The following SPG7 variants were observed in gnomAD, a reference collection of about 807,000 sequenced individuals.
SPG7 encodes SPG7 matrix AAA peptidase subunit, paraplegin, also known as mitochondrial inner membrane m-AAA protease component paraplegin.
A neutral mutation model predicts 81.9 loss-of-function variants in SPG7; 103 were observed. The ratio of observed to expected loss-of-function variants is 1.26; its 90% CI spans 1.07 to 1.48. SPG7 has a LOEUF of 1.48. Among genes scored for constraint, SPG7 ranks in the 40% most tolerant of loss-of-function variants. SPG7 has a pLI of 0.00. For synonymous variants in SPG7, 534 were observed against 444.2 expected (o/e 1.20, Z -2.54); for missense variants, 1,241 against 1,087.3 (o/e 1.14, Z -1.99).
chr16:89,543,973 T>C (rs1207975822), intron 9 of SPG7: 1 of 155,494 alleles, frequency 6.4e-6, no homozygotes, highest in East Asian at 1.9e-4. Flanking sequence ...AGCAAACCCA[T>C]AGTTTTGAAT....
Position 89,541,295 on chromosome 16 carries a change from T to C in SPG7, c.1325-3353T>C, listed in dbSNP as rs60765821. The C allele has an allele frequency of 3.2e-3, 3,112 of 984,518 alleles. 105 individuals are homozygous for C. The African/African-American group carries it at 0.052, about 16-fold the overall frequency. The allele number at this position is 984,518 out of a possible 1,614,324, so 61.0% of individuals were successfully genotyped here. A position where few individuals can be genotyped will look rare whatever the true frequency, so the allele number is the denominator to read the frequency against. The stretch of plus-strand genomic sequence containing the variant: ...GGTGTATCCTTATCATGGTGTTCTA[T>C]GCAGCAGTAGAAGGAAACTTTCTTC... On this transcript the variant is annotated intron_variant, in intron 9 of 16. Coordinates refer to ENST00000645818, the MANE Select transcript of SPG7 (RefSeq NM_003119.4).
At chr16:89,550,934 T>C (rs74500393) in intron 13 of SPG7, among the ~76,000 whole-genome samples, 239 of 152,332 alleles carry the variant, frequency 1.6e-3, no homozygotes, top group Middle Eastern at 3.4e-3. Flanking sequence ...CCACCCCAAA[T>C]GACTCCTAAC....
At chr16:89,532,662 C>A in intron 9 of SPG7, 26 bp downstream of exon 9, 1 of 1,612,308 alleles carries the variant, frequency 6.2e-7, no homozygotes, top group Admixed American at 1.7e-5. Flanking sequence ...CCCCGCACCC[C>A]CATTGCACCA....
intron 13 of SPG7, among the ~76,000 whole-genome samples, chr16:89,550,830 G>A (rs1477395030): frequency 6.6e-6 from 1 of 152,228 alleles, no homozygotes; most frequent in Non-Finnish European, 1.5e-5. Flanking sequence ...GTGGGAGGCA[G>A]GAGTGGGCTG....
intron 9 of SPG7, 97 bp from the exon 10 acceptor site, chr16:89,544,551 T>A: frequency 7.0e-7 from 1 of 1,419,358 alleles, no homozygotes. Flanking sequence ...CTTAGGGGGG[T>A]CTCTCTCCCT....
chr16:89,556,071 G>C (rs550838140), intron 16 of SPG7: 239 of 398,808 alleles, frequency 6.0e-4, no homozygotes, highest in Non-Finnish European at 8.9e-4. Context: ...AGCCACAACG[G>C]GAGCAAAGCT....
At chr16:89,540,696 A>C (rs912766807) in intron 9 of SPG7, 1 of 170,636 alleles carries the variant, frequency 5.9e-6, no homozygotes, top group African/African-American at 2.4e-5. Flanking sequence ...GTGCAGCCTC[A>C]CTGGGAAACA....
chr16:89,550,746 T>C (rs1421175603), intron 13 of SPG7, 137 bp downstream of exon 13: 1 of 695,438 alleles, frequency 1.4e-6, no homozygotes, highest in Admixed American at 2.0e-5. Flanking sequence ...CTGTAGGTCA[T>C]GTGAGAGGAA....
At chr16:89,549,373 T>C (rs2058606648) in intron 12 of SPG7, 2 of 381,234 alleles carry the variant, frequency 5.2e-6, no homozygotes, top group Admixed American at 3.1e-5. Flanking sequence ...CAAACATTTG[T>C]CCCTGGCTGG....
chr16:89,522,477 ACGT>A (rs2058201013), intron 3 of SPG7: 1 of 151,564 alleles, frequency 6.6e-6, no homozygotes, highest in Non-Finnish European at 1.5e-5. Flanking sequence ...TCTGGAAATG[ACGT>A]CGTTACCACC....
At chr16:89,552,058 G>A (rs1163297542) in intron 13 of SPG7, 2 of 152,010 alleles carry the variant, frequency 1.3e-5, no homozygotes, top group African/African-American at 4.8e-5. Context: ...CCGTTATTTA[G>A]AGCTTCTTTT....
At chr16:89,532,117 C>T (rs1597634260) in intron 8 of SPG7, 51 bp downstream of exon 8, 6 of 1,576,796 alleles carry the variant, frequency 3.8e-6, no homozygotes, top group Non-Finnish European at 3.5e-6. Context: ...CTACCTGGCT[C>T]CTTTCACACA....
At chr16:89,554,041 A>T in intron 15 of SPG7, 81 bp downstream of exon 15, 1 of 1,509,740 alleles carries the variant, frequency 6.6e-7, no homozygotes, top group South Asian at 1.1e-5. Context: ...AGGGTCGCCC[A>T]CGGCCGCCCC....
In SPG7 at chr16:89,552,960, C is replaced by T; in HGVS notation, c.1780-19C>T. ...ACGCATCCTGCCTACTGACCTGGGT[C>T]ATCTTGACCTTGTGCCAGGTCTCCA... On this transcript the variant is annotated intron_variant, in intron 13 of 16. Transcript: ENST00000645818. 4 of 1,613,130 alleles carry T rather than the reference C, an allele frequency of 2.5e-6. No individual in the cohort carries two copies. In the South Asian group the frequency reaches 4.4e-5, roughly 18 times the overall value.
rs1420552317 is a variant in SPG7, at chr16:89,554,508, A to C, written c.2126A>C (p.Lys709Thr). Residue 709 changes from lysine (K) to threonine (T), a missense_variant, in exon 16 of 17, where the codon AAG (lysine) becomes ACG (threonine). Lys to Thr is a moderately conservative substitution (Grantham distance 78). Coordinates refer to ENST00000645818, the MANE Select transcript of SPG7 (RefSeq NM_003119.4). The stretch of plus-strand genomic sequence containing the variant: ...CAGGAAGCAAGACTGCTGGTGGCCA[A>C]GGCCTACAGACACACCGAGAAGGTG... ...MDHEARLLVA[K>T]AYRHTEKVLQ... is the part of the protein sequence containing the mutation. The C allele has an allele frequency of 6.2e-7, 1 of 1,609,476 alleles. No homozygotes were observed.
rs2152392962 is a variant in SPG7, at chr16:89,508,615, A to C, written c.183+15A>C. 6.9e-7 allele frequency: 1 copy of C among 1,442,476 alleles called. No individual in the cohort carries two copies. Among genetic ancestry groups the C allele is most frequent in the Non-Finnish European group, 9.1e-7 (1 of 1,103,258 alleles). The allele number at this position is 1,442,476 out of a possible 1,614,324, so 89.4% of individuals were successfully genotyped here. On this transcript the variant is annotated intron_variant, in intron 1 of 16. Transcript: ENST00000645818. ...GAGCTCTGCAGGTAAATCCCCGCGG[A>C]GTCCGGGCCCCACCTCCCGCCCGGC...
At chr16:89,553,654 T>G in intron 14 of SPG7, 140 bp from the exon 15 acceptor site, 1 of 763,682 alleles carries the variant, frequency 1.3e-6, no homozygotes, top group Non-Finnish European at 2.2e-6. Context: ...ACGTCCTCAC[T>G]GTCCAGCTTC....
In SPG7 at chr16:89,513,050, G is replaced by A. The variant is rs374394983; in HGVS notation, c.376+13G>A. The A allele has an allele frequency of 1.9e-6, 3 of 1,595,740 alleles. No homozygotes were observed. The highest frequency in any genetic ancestry group is 1.1e-5 in the South Asian group (1 of 89,676). Reference sequence around the variant, plus strand: ...GAAGAGGACGAAGGTATATTCATCTGATGTTCTTCAGTCAGTAGCTGCCTC... The same window carrying A: ...GAAGAGGACGAAGGTATATTCATCTAATGTTCTTCAGTCAGTAGCTGCCTC... On this transcript the variant is annotated intron_variant, in intron 3 of 16. Coordinates refer to ENST00000645818, the MANE Select transcript of SPG7 (RefSeq NM_003119.4).
intron 10 of SPG7, 114 bp from the exon 11 acceptor site, chr16:89,546,544 C>T: frequency 2.5e-6 from 2 of 803,538 alleles, no homozygotes; most frequent in East Asian, 2.4e-5. Context: ...CATGATGGCA[C>T]ACACTTGTAA....
Sources: gnomAD v4.1 joint callset for allele counts (sites outside exome capture counted in the v4.1 genomes callset) on GRCh38, gnomAD v4.1.1 for gene constraint, MANE v1.5 for transcripts, NCBI Gene and HGNC (gene_info 2026-07-23, HGNC 2026-07-21) for gene names.